Variants in CSNK1A1 observed in about 807,000 individuals in gnomAD.
CSNK1A1 encodes the protein casein kinase 1 alpha 1, also known as casein kinase I isoform alpha.
In CSNK1A1, 7 loss-of-function variants were observed where a neutral mutation model predicts 46.1. That is an observed-to-expected ratio of 0.15 (90% CI 0.09 to 0.29). The LOEUF (loss-of-function observed/expected upper bound fraction) is 0.29. Among genes scored for constraint, CSNK1A1 ranks in the 10% least tolerant of loss-of-function variants. CSNK1A1 has a pLI of 1.00. For missense variants in CSNK1A1, 96 were observed against 417.1 expected (o/e 0.23, Z 6.71); for synonymous variants, 137 against 141.5 (o/e 0.97, Z 0.23).
chr5:149,496,764 T>C lies in CSNK1A1; in HGVS notation c.*89A>G. The C allele has an allele frequency of 6.6e-7, 1 of 1,513,882 alleles. No homozygotes were observed. The highest frequency in any genetic ancestry group is 1.3e-5 in the South Asian group (1 of 77,886). 93.8% of individuals were successfully genotyped at this position (1,513,882 alleles called of 1,614,324 possible). ...ATGGTTGTCCACAACCACTGGCTAG[T>C]GTACATATGAACTAAAATTTCTAGA... On this transcript the variant is annotated 3_prime_UTR_variant, in exon 10 of 10. Transcript: ENST00000377843.
chr5:149,545,738 C>A, intron 2 of CSNK1A1: 1 of 639,138 alleles, frequency 1.6e-6, no homozygotes. Context: ...AACCTGGAGC[C>A]CACCATTTCT....
rs1580823267 is a variant in CSNK1A1 at position 149,507,216 on chromosome 5, A to G, written c.751-83T>C. ...AATGCATTTAAGTATAAGCAAAAAGATATTTTTGGGCGGGATATTTTACCA... is the reference window on the plus strand; with the variant it reads ...AATGCATTTAAGTATAAGCAAAAAGGTATTTTTGGGCGGGATATTTTACCA... On this transcript the variant is annotated intron_variant, in intron 7 of 9. Transcript: ENST00000377843. 3 of 1,057,452 alleles carry G rather than the reference A, an allele frequency of 2.8e-6. No individual in the cohort carries two copies. The East Asian group carries it at 7.9e-5, about 28-fold the overall frequency. The allele number at this position is 1,057,452 out of a possible 1,614,324, so 65.5% of individuals were successfully genotyped here.
At chr5:149,520,454 G>T in intron 3 of CSNK1A1, 66 bp from the exon 4 acceptor site, 1 of 851,882 alleles carries the variant, frequency 1.2e-6, no homozygotes, top group Non-Finnish European at 1.9e-6. Context: ...CATTTCTTAA[G>T]TATTTCAGTA....
chr5:149,549,523 G>A (rs552362403), intron 2 of CSNK1A1: 1 of 701,910 alleles, frequency 1.4e-6, no homozygotes, highest in East Asian at 2.7e-5. Flanking sequence ...GCTAAAGGAG[G>A]AATCAAGGAA....
At chr5:149,503,563 T>C (rs1760937968) in intron 9 of CSNK1A1, 1 of 984,730 alleles carries the variant, frequency 1.0e-6, no homozygotes, top group Non-Finnish European at 1.2e-6. Flanking sequence ...CTAATGTCAC[T>C]ATAAAATTTT....
chr5:149,545,423 G>T, intron 2 of CSNK1A1: 1 of 527,932 alleles, frequency 1.9e-6, no homozygotes, highest in South Asian at 2.5e-5. Flanking sequence ...GCCTTTGGGA[G>T]GAGCCTGAGC....
At chr5:149,498,837 A>G (rs1760735527) in intron 9 of CSNK1A1, 1 of 985,450 alleles carries the variant, frequency 1.0e-6, no homozygotes. Flanking sequence ...TGTCAGTCAA[A>G]ATACAAGGAA....
chr5:149,517,765 T>G lies in CSNK1A1; in HGVS notation c.456+2525A>C. 6.6e-6 allele frequency: 9 copies of G among 1,363,464 alleles called. No homozygotes were observed. Among genetic ancestry groups the G allele is most frequent in the Non-Finnish European group, 9.3e-6 (9 of 968,206 alleles). 84.5% of individuals were successfully genotyped at this position (1,363,464 alleles called of 1,614,324 possible). A position where few individuals can be genotyped will look rare whatever the true frequency, so the allele number is the denominator to read the frequency against. ...AAAGAAAAGCACATGAATTTGGGAT[T>G]GAGGTTGGAATAGGAGACAGTTTCA... On this transcript the variant is annotated intron_variant, in intron 4 of 9. Transcript: ENST00000377843. This position sits in a 1 kb window ranked among gnomAD's most constrained non-coding sequence, Gnocchi z 4.4.
chr5:149,543,881 C>CA (rs1762381199), intron 2 of CSNK1A1, among the ~76,000 whole-genome samples: 1 of 151,808 alleles, frequency 6.6e-6, no homozygotes, highest in South Asian at 2.1e-4. Context: ...GCCCGGGTGA[C>CA]AGAGCAAGAA....
intron 2 of CSNK1A1, among the ~76,000 whole-genome samples, chr5:149,543,673 T>C (rs1762373370): frequency 1.3e-5 from 2 of 152,278 alleles, no homozygotes; most frequent in African/African-American, 4.8e-5. Context: ...TAGTGCTTTA[T>C]AAATACGTTC....
chr5:149,499,036 T>A (rs1760740855), intron 9 of CSNK1A1: 9 of 985,446 alleles, frequency 9.1e-6, no homozygotes, highest in Non-Finnish European at 1.1e-5. Flanking sequence ...GGGTCAATGG[T>A]ATGACATTCC....
chr5:149,521,583 G>A (rs66515904), intron 3 of CSNK1A1, among the ~76,000 whole-genome samples: 40,034 of 151,270 alleles, frequency 0.26, 5,690 homozygotes, highest in Admixed American at 0.41. Context: ...CACCATGCCC[G>A]GCCTCGATTT....
intron 4 of CSNK1A1, among the ~76,000 whole-genome samples, chr5:149,519,424 A>G (rs1761499039): frequency 2.0e-5 from 3 of 152,248 alleles, no homozygotes; most frequent in Admixed American, 2.0e-4. Context: ...TCTATCAGAT[A>G]GATCATCAGA....
At chr5:149,498,363 A>T in intron 9 of CSNK1A1, 3 of 985,394 alleles carry the variant, frequency 3.0e-6, no homozygotes, top group Non-Finnish European at 3.6e-6. Flanking sequence ...ATACTTCACC[A>T]TAGGGAATAT....
rs73263970 is a variant in CSNK1A1, at chr5:149,497,150, A to G, written c.1007-290T>C. 263 of 1,155,794 alleles carry G rather than the reference A, an allele frequency of 2.3e-4. No homozygotes were observed. In the African/African-American group the frequency reaches 3.7e-3, roughly 16 times the overall value. 71.6% of individuals were successfully genotyped at this position (1,155,794 alleles called of 1,614,324 possible). On this transcript the variant is annotated intron_variant, in intron 9 of 9. Coordinates refer to ENST00000377843, the MANE Select transcript of CSNK1A1 (RefSeq NM_001892.6). ...GTAATTCAAATGAGCATGTTTCTGC[A>G]TTTTTACATATGCAGAACATATTAG...
intron 9 of CSNK1A1, chr5:149,498,742 A>C: frequency 1.0e-6 from 1 of 985,316 alleles, no homozygotes; most frequent in South Asian, 4.7e-5. Flanking sequence ...AATCATATTA[A>C]ACTAATTGTT....
chr5:149,497,734 A>C lies in CSNK1A1; in HGVS notation c.1007-874T>G, dbSNP rs1025764792. The C allele has an allele frequency of 3.6e-5, 35 of 985,346 alleles. No homozygotes were observed. The African/African-American group carries it at 5.8e-4, about 16-fold the overall frequency. The allele number at this position is 985,346 out of a possible 1,614,324, so 61.0% of individuals were successfully genotyped here. ...TCCTTTGTCTACCTCCTTACAAATG[A>C]GCTAGAAACTATAGCTCATTCTAGC... is the stretch of plus-strand genomic sequence containing the variant. On this transcript the variant is annotated intron_variant, in intron 9 of 9. Coordinates refer to ENST00000377843, the MANE Select transcript of CSNK1A1 (RefSeq NM_001892.6).
intron 3 of CSNK1A1, 56 bp from the exon 4 acceptor site, chr5:149,520,444 C>T: frequency 2.0e-6 from 2 of 992,884 alleles, no homozygotes; most frequent in Non-Finnish European, 3.1e-6. Context: ...AAAATCAACA[C>T]ATTTCTTAAG....
intron 4 of CSNK1A1, among the ~76,000 whole-genome samples, chr5:149,518,831 G>C (rs899079245): frequency 2.6e-5 from 4 of 151,934 alleles, no homozygotes; most frequent in South Asian, 2.1e-4. Flanking sequence ...TGATATCTAG[G>C]TCATCATTTA....
Sources: gnomAD v4.1 joint callset for allele counts (sites outside exome capture counted in the v4.1 genomes callset) on GRCh38, gnomAD v4.1.1 for gene constraint, Gnocchi (gnomAD v3.1) non-coding constraint, MANE v1.5 for transcripts, NCBI Gene and HGNC (gene_info 2026-07-23, HGNC 2026-07-21) for gene names.